KLHL25: variants seen among roughly 807,000 people sequenced by gnomAD.
KLHL25 encodes kelch-like protein 25.
KLHL25 carries 41 observed loss-of-function variants against 30.0 expected under a neutral mutation model. The observed-to-expected ratio is 1.37, with a 90% CI of 1.07 to 1.78. KLHL25 has a LOEUF of 1.78. KLHL25 is among the 40% of genes most tolerant of loss of function. KLHL25 has a pLI of 0.00. For missense variants in KLHL25, 971 were observed against 824.5 expected (o/e 1.18, Z -2.18); for synonymous variants, 399 against 355.3 (o/e 1.12, Z -1.38).
chr15:85,761,339 T>A (rs1295236478), intron 2 of KLHL25: 1 of 150,648 alleles, frequency 6.6e-6, no homozygotes, highest in African/African-American at 2.4e-5. Flanking sequence ...AGTGAGTCTG[T>A]GCTTCCAGAG....
At chr15:85,778,955 T>G (rs565487317) in intron 1 of KLHL25, among the ~76,000 whole-genome samples, 47 of 152,078 alleles carry the variant, frequency 3.1e-4, no homozygotes, top group African/African-American at 1.1e-3. Context: ...GAATCAGGAC[T>G]GAGAAAGTTC....
chr15:85,769,568 C>T lies in KLHL25; in HGVS notation c.243G>A (p.Glu81=), dbSNP rs1384931489. 1 of 1,613,694 alleles carries T rather than the reference C, an allele frequency of 6.2e-7. No individual in the cohort carries two copies. The highest frequency in any genetic ancestry group is 8.5e-7 in the Non-Finnish European group (1 of 1,180,052). Residue 81 remains glutamate, a synonymous_variant, in exon 2 of 3, where the codon GAG becomes GAA. Coordinates refer to ENST00000337975, the MANE Select transcript of KLHL25 (RefSeq NM_022480.4). ...FEAMFSHGLR[E]SRDDTVNFQD... Reference sequence around the variant, plus strand: ...GGAAGTTGACAGTGTCATCCCGGCTCTCCCGAAGGCCATGGCTGAACATGG... The same window carrying T: ...GGAAGTTGACAGTGTCATCCCGGCTTTCCCGAAGGCCATGGCTGAACATGG...
At chr15:85,791,683 C>T (rs1252308012) in intron 1 of KLHL25, among the ~76,000 whole-genome samples, 2 of 152,048 alleles carry the variant, frequency 1.3e-5, no homozygotes, top group African/African-American at 2.4e-5. Flanking sequence ...GCAACAAGCA[C>T]CCAACCTCAA....
At chr15:85,778,235 T>G (rs190549269) in intron 1 of KLHL25, among the ~76,000 whole-genome samples, 3 of 152,316 alleles carry the variant, frequency 2.0e-5, no homozygotes, top group African/African-American at 7.2e-5. Context: ...GACAATTAAA[T>G]GCTTGGCCTG....
intron 1 of KLHL25, among the ~76,000 whole-genome samples, chr15:85,785,114 G>A (rs2089772485): frequency 1.4e-5 from 2 of 141,150 alleles, no homozygotes; most frequent in Non-Finnish European, 1.5e-5. Flanking sequence ...TTTTTTCTGA[G>A]ACAGTGTCTC....
chr15:85,782,230 T>C (rs529031815), intron 1 of KLHL25, among the ~76,000 whole-genome samples: 1 of 152,282 alleles, frequency 6.6e-6, no homozygotes, highest in South Asian at 2.1e-4. Context: ...GTCATTCATA[T>C]ACACATTTTT....
chr15:85,786,297 T>C (rs1226807870), intron 1 of KLHL25, among the ~76,000 whole-genome samples: 2 of 152,094 alleles, frequency 1.3e-5, no homozygotes, highest in Admixed American at 6.6e-5. Context: ...TTCTGAGTCA[T>C]CTCCAGGGCA....
intron 1 of KLHL25, among the ~76,000 whole-genome samples, chr15:85,785,597 G>A (rs1348188174): frequency 6.6e-6 from 1 of 151,642 alleles, no homozygotes; most frequent in Non-Finnish European, 1.5e-5. Context: ...GGAAACTCCA[G>A]GCACAGGAAG....
chr15:85,779,436 G>A lies in KLHL25; in HGVS notation c.-10-9616C>T, dbSNP rs565572563. ...AAACTCTTCTTCATCGTATGTATAA[G>A]GCATAGATACACATGTGGTATTAAA... is the stretch of plus-strand genomic sequence containing the variant. On this transcript the variant is annotated intron_variant, in intron 1 of 2. Coordinates refer to ENST00000337975, the MANE Select transcript of KLHL25 (RefSeq NM_022480.4). Among the ~76,000 whole-genome samples the A allele has an allele frequency of 1.2e-4, 19 of 152,264 alleles. No homozygotes were observed. In the East Asian group the frequency reaches 3.7e-3, roughly 29 times the overall value.
At chr15:85,786,922 G>A (rs2089785010) in intron 1 of KLHL25, among the ~76,000 whole-genome samples, 1 of 152,202 alleles carries the variant, frequency 6.6e-6, no homozygotes, top group African/African-American at 2.4e-5. Flanking sequence ...GTGGGGGGCA[G>A]GGGCGGGCAG....
At position 85,781,403 on chromosome 15, in the gene KLHL25, T is replaced by C. The variant is rs539633340; in HGVS notation, c.-10-11583A>G. 3.9e-5 allele frequency among the ~76,000 whole-genome samples: 6 copies of C among 152,340 alleles called. No individual in the cohort carries two copies. In the East Asian group the frequency reaches 1.2e-3, roughly 29 times the overall value. ...TTTTAGTATTACCACAAAAATAGTTTTGACCTTGTGGACTCTCCACCAAGA... is the reference window on the plus strand; with the variant it reads ...TTTTAGTATTACCACAAAAATAGTTCTGACCTTGTGGACTCTCCACCAAGA... On this transcript the variant is annotated intron_variant, in intron 1 of 2. Transcript: ENST00000337975.
In KLHL25 at chr15:85,769,672, CG is replaced by C; in HGVS notation, c.138del (p.Asp47ThrfsTer106). ...CGGTCGCCCGCCCAGAGTGTGACGT[CG>C]GTGAACATGCAGTGCTTGCGAAGCG... ...LNTLRKHCMF[T>X]DVTLWAGDRA... On this transcript the variant is annotated frameshift_variant, in exon 2 of 3. Coordinates refer to ENST00000337975, the MANE Select transcript of KLHL25 (RefSeq NM_022480.4). LOFTEE classifies it high-confidence loss of function. The C allele has an allele frequency of 6.2e-7, 1 of 1,613,882 alleles. No homozygotes were observed. The highest frequency in any genetic ancestry group is 8.5e-7 in the Non-Finnish European group (1 of 1,180,050).
chr15:85,767,935 T>G (rs893572884), intron 2 of KLHL25, 82 bp downstream of exon 2: 14 of 925,226 alleles, frequency 1.5e-5, no homozygotes, highest in Non-Finnish European at 1.8e-5. Context: ...CACGGTGACC[T>G]TCACCCAGTG....
rs1454324016 is a variant in KLHL25 at position 85,794,891 on chromosome 15, G to C, written c.-136C>G. On this transcript the variant is annotated 5_prime_UTR_variant, in exon 1 of 3. In the 5' UTR this introduces an upstream ATG that the reference lacks. Transcript: ENST00000337975. The stretch of plus-strand genomic sequence containing the variant: ...CCACAGGCAAAAACGCTCTCGCTGC[G>C]ATACAGCCTAGGCGCCGCCAACAAA... 1 of 152,326 alleles carries C rather than the reference G, an allele frequency of 6.6e-6. No homozygotes were observed. Among genetic ancestry groups the C allele is most frequent in the East Asian group, 1.9e-4 (1 of 5,194 alleles). 9.4% of individuals were successfully genotyped at this position (152,326 alleles called of 1,614,324 possible). A position where few individuals can be genotyped will look rare whatever the true frequency, so the allele number is the denominator to read the frequency against.
At chr15:85,788,516 T>C (rs980278196) in intron 1 of KLHL25, among the ~76,000 whole-genome samples, 1 of 151,994 alleles carries the variant, frequency 6.6e-6, no homozygotes, top group African/African-American at 2.4e-5. Flanking sequence ...AGAGAACAGA[T>C]GGGGGAAAAA....
intron 1 of KLHL25, among the ~76,000 whole-genome samples, chr15:85,790,147 T>C (rs1427570358): frequency 6.6e-6 from 1 of 152,216 alleles, no homozygotes; most frequent in Non-Finnish European, 1.5e-5. Context: ...TGGAGTGCAA[T>C]GGTGCAATCT....
intron 1 of KLHL25, chr15:85,770,448 C>A: frequency 1.9e-6 from 1 of 524,476 alleles, no homozygotes; most frequent in Non-Finnish European, 3.9e-6. Context: ...TGCCCTGGGC[C>A]GGGCTCCAAG....
chr15:85,776,183 A>G (rs1164308962), intron 1 of KLHL25, among the ~76,000 whole-genome samples: 116 of 149,418 alleles, frequency 7.8e-4, no homozygotes, highest in Middle Eastern at 3.6e-3. Flanking sequence ...AAAAAAAAAA[A>G]AAAGAAAGAA....
Position 85,769,227 on chromosome 15 carries a change from T to TC in KLHL25, c.583dup (p.Asp195GlyfsTer6). 1 of 1,613,728 alleles carries TC rather than the reference T, an allele frequency of 6.2e-7. No homozygotes were observed. The highest frequency in any genetic ancestry group is 8.5e-7 in the Non-Finnish European group (1 of 1,180,012). On this transcript the variant is annotated frameshift_variant, in exon 2 of 3. Transcript: ENST00000337975. LOFTEE classifies it high-confidence loss of function. ...CTCCAGCTCATCACTCGAGATGAGG[T>TC]CCAGCAGTGTGTCCTTGGACAGGCT... is the stretch of plus-strand genomic sequence containing the variant.
Sources: gnomAD v4.1 joint callset for allele counts (sites outside exome capture counted in the v4.1 genomes callset) on GRCh38, gnomAD v4.1.1 for gene constraint, MANE v1.5 for transcripts, NCBI Gene and HGNC (gene_info 2026-07-23, HGNC 2026-07-21) for gene names.